The following MPRIP variants were observed in gnomAD, a reference collection of about 807,000 sequenced individuals.
The protein encoded by MPRIP is myosin phosphatase Rho interacting protein, also known as myosin phosphatase Rho-interacting protein.
In MPRIP, 59 loss-of-function variants were observed where a neutral mutation model predicts 234.9. That is an observed-to-expected ratio of 0.25 (90% confidence interval 0.20 to 0.31). MPRIP has a LOEUF of 0.31. MPRIP is among the 10% of genes least tolerant of loss of function. The pLI is 1.00. For missense variants in MPRIP, 2,436 were observed against 3,071.0 expected (o/e 0.79, Z 4.89); for synonymous variants, 1,144 against 1,263.9 (o/e 0.91, Z 2.01).
At chr17:17,147,137 G>T (rs920587356) in intron 10 of MPRIP, among the ~76,000 whole-genome samples, 182 bp from the exon 11 acceptor site, 1 of 151,752 alleles carries the variant, frequency 6.6e-6, no homozygotes, top group East Asian at 1.9e-4. Flanking sequence ...GGGTGTGAGC[G>T]CATGGCTGCC....
chr17:17,120,087 C>T (rs1008947789), intron 3 of MPRIP, among the ~76,000 whole-genome samples: 8 of 152,130 alleles, frequency 5.3e-5, no homozygotes, highest in Admixed American at 4.6e-4. Flanking sequence ...GTTTTCTGGT[C>T]TGAATGAGGG....
chr17:17,149,582 G>A (rs143479298), intron 11 of MPRIP, among the ~76,000 whole-genome samples: 1 of 151,670 alleles, frequency 6.6e-6, no homozygotes, highest in East Asian at 1.9e-4. Context: ...AGAGAGATTT[G>A]CAAAAATTCA....
At chr17:17,081,671 C>T (rs2089464636) in intron 3 of MPRIP, among the ~76,000 whole-genome samples, 3 of 152,176 alleles carry the variant, frequency 2.0e-5, no homozygotes, top group African/African-American at 7.2e-5. Context: ...ACAGTGGCTT[C>T]GGGAAGCCCT....
At position 17,184,995 on chromosome 17, in the gene MPRIP, T is replaced by C. The variant is rs962301671; in HGVS notation, c.*101T>C. The C allele has an allele frequency of 1.9e-5, 15 of 797,366 alleles. No homozygotes were observed. Among genetic ancestry groups the C allele is most frequent in the African/African-American group, 1.7e-4 (10 of 57,978 alleles). 49.4% of individuals were successfully genotyped at this position (797,366 alleles called of 1,614,324 possible). On this transcript the variant is annotated 3_prime_UTR_variant, in exon 24 of 24. Transcript: ENST00000651222. ...ACCTTTGTTTTATTATTATTATTAT[T>C]ATTGCTGTTGTTGTCATCGTTAACT...
intron 3 of MPRIP, among the ~76,000 whole-genome samples, chr17:17,111,145 TA>T (rs373551165): frequency 0.13 from 12,106 of 96,120 alleles, 684 homozygotes; most frequent in Middle Eastern, 0.24. Flanking sequence ...TTTAAAAGTT[TA>T]AAAAAAAAAA....
At chr17:17,180,555 G>T (rs373423022) in intron 23 of MPRIP, 2 of 1,539,280 alleles carry the variant, frequency 1.3e-6, no homozygotes, top group African/African-American at 2.7e-5. Context: ...GAGCGGCACC[G>T]CGTGTGTTTG....
At position 17,165,435 on chromosome 17, in the gene MPRIP, A is replaced by C; in HGVS notation, c.3844A>C (p.Ser1282Arg). The C allele has an allele frequency of 7.7e-7, 1 of 1,304,216 alleles. No individual in the cohort carries two copies. Among genetic ancestry groups the C allele is most frequent in the Non-Finnish European group, 1.0e-6 (1 of 988,942 alleles). 80.8% of individuals were successfully genotyped at this position (1,304,216 alleles called of 1,614,324 possible). ...TCCGGGGGAAGAGTACGGTGATGGC[A>C]GCCCCAGTAGGGAAGACAGCATGGT... The part of the protein sequence containing the change: ...APPGEEYGDG[S>R]PSREDSMVPP... Residue 1282 changes from serine (S) to arginine (R), a missense_variant, in exon 16 of 24, where the codon AGC becomes CGC. Around this residue, in one of 4 missense-constraint regions of MPRIP, gnomAD observed 1,998 missense variants for 2,520.3 expected, o/e 0.79. Coordinates refer to ENST00000651222, the MANE Select transcript of MPRIP (RefSeq NM_001364716.4).
chr17:17,044,432 A>G (rs1270780366), intron 1 of MPRIP, among the ~76,000 whole-genome samples: 1 of 152,170 alleles, frequency 6.6e-6, no homozygotes, highest in African/African-American at 2.4e-5. Context: ...TTACTTCTGT[A>G]TCTTTTAATT....
chr17:17,180,155 G>A, intron 23 of MPRIP, 67 bp downstream of exon 23: 1 of 1,291,216 alleles, frequency 7.7e-7, no homozygotes, highest in Non-Finnish European at 1.1e-6. Flanking sequence ...AGCCCAAATT[G>A]AAGTATGAGT....
intron 3 of MPRIP, chr17:17,096,666 C>T (rs909148248): frequency 9.1e-6 from 4 of 441,582 alleles, no homozygotes; most frequent in African/African-American, 8.1e-5. Flanking sequence ...ACAGCTGATA[C>T]TCCGGCTGCC....
rs757968148 is a variant in MPRIP, at chr17:17,078,118, C to G, written c.267+42C>G. The G allele has an allele frequency of 1.9e-6, 3 of 1,597,892 alleles. No individual in the cohort carries two copies. In the South Asian group the frequency reaches 3.3e-5, roughly 18 times the overall value. On this transcript the variant is annotated intron_variant, in intron 3 of 23. Coordinates refer to ENST00000651222, the MANE Select transcript of MPRIP (RefSeq NM_001364716.4). This position sits in a 1 kb window ranked among gnomAD's most constrained non-coding sequence, Gnocchi z 4.3. ...CCCACTCCCTGTCCCCAGCCTTCAC[C>G]AAGTCCCTCCATTACAGTGCCCTTG... is the stretch of plus-strand genomic sequence containing the variant.
At chr17:17,099,498 G>GGA (rs1295951429) in intron 3 of MPRIP, among the ~76,000 whole-genome samples, 2 of 152,198 alleles carry the variant, frequency 1.3e-5, no homozygotes, top group African/African-American at 4.8e-5. Flanking sequence ...GGCCAAAGTG[G>GGA]GAGAGTCAGT....
intron 3 of MPRIP, among the ~76,000 whole-genome samples, chr17:17,109,734 T>C (rs1229215838): frequency 6.6e-6 from 1 of 151,658 alleles, no homozygotes; most frequent in Non-Finnish European, 1.5e-5. Flanking sequence ...AAACCAGGGC[T>C]TCTGGAGGAA....
At chr17:17,071,954 C>G (rs1009459017) in intron 1 of MPRIP, among the ~76,000 whole-genome samples, 7 of 152,194 alleles carry the variant, frequency 4.6e-5, no homozygotes, top group African/African-American at 1.7e-4. Context: ...AACAGCAAAG[C>G]TAAGCCTACC....
chr17:17,161,200 TTGTCATTTTGCATAAAAGTGTG>T lies in MPRIP; in HGVS notation c.2401-35_2401-14del. On this transcript the variant is annotated intron_variant, in intron 14 of 23. Coordinates refer to ENST00000651222, the MANE Select transcript of MPRIP (RefSeq NM_001364716.4). ...TGCTGTGCAGCTGCTTTGTTTATCA[TTGTCATTTTGCATAAAAGTGTG>T]TGTCTTTTTGCCAACAGCTGGAGCA... The T allele has an allele frequency of 6.9e-7, 1 of 1,453,940 alleles. No individual in the cohort carries two copies. Among genetic ancestry groups the T allele is most frequent in the Non-Finnish European group, 9.6e-7 (1 of 1,045,102 alleles). 90.1% of individuals were successfully genotyped at this position (1,453,940 alleles called of 1,614,324 possible). A position where few individuals can be genotyped will look rare whatever the true frequency, so the allele number is the denominator to read the frequency against.
intron 3 of MPRIP, among the ~76,000 whole-genome samples, chr17:17,103,783 T>G (rs1027816368): frequency 3.9e-5 from 6 of 152,252 alleles, no homozygotes; most frequent in African/African-American, 1.2e-4. Context: ...AAAAATGCTG[T>G]CCTACATCCT....
chr17:17,173,980 C>A lies in MPRIP; in HGVS notation c.6655C>A (p.Leu2219Met). The A allele has an allele frequency of 6.2e-7, 1 of 1,613,768 alleles. No individual in the cohort carries two copies. Among genetic ancestry groups the A allele is most frequent in the African/African-American group, 1.3e-5 (1 of 75,072 alleles). ...CTCGGAGCAGTACTCGCAGAAGTGC[C>A]TGGAGAATGCCCATCTGGCCCAGGC... Reference protein sequence around the residue: ...VLSEQYSQKCLENAHLAQALE... With the variant: ...VLSEQYSQKCMENAHLAQALE... The change falls in exon 19 of 24, where the codon CTG becomes ATG. Residue 2219 changes from leucine (L) to methionine (M), a missense_variant. By Grantham distance (15) the Leu-to-Met change is conservative. Coordinates refer to ENST00000651222, the MANE Select transcript of MPRIP (RefSeq NM_001364716.4).
At chr17:17,085,115 G>A (rs2089555947) in intron 3 of MPRIP, among the ~76,000 whole-genome samples, 2 of 152,202 alleles carry the variant, frequency 1.3e-5, no homozygotes, top group South Asian at 4.1e-4. Context: ...GGCAGGTCCT[G>A]TTGTGTGGTG....
At chr17:17,136,496 C>T (rs1243174760) in intron 6 of MPRIP, 46 bp downstream of exon 6, 2 of 1,548,992 alleles carry the variant, frequency 1.3e-6, no homozygotes, top group Admixed American at 1.8e-5. Flanking sequence ...ATGGCCCTCC[C>T]TCCCATCAGA....
Sources: gnomAD v4.1 joint callset for allele counts (sites outside exome capture counted in the v4.1 genomes callset) on GRCh38, gnomAD v4.1.1 for gene constraint, gnomAD v4.1.1 regional missense constraint, Gnocchi (gnomAD v3.1) non-coding constraint, MANE v1.5 for transcripts, NCBI Gene and HGNC (gene_info 2026-07-23, HGNC 2026-07-21) for gene names.